DOCK9: variants seen among roughly 807,000 people sequenced by gnomAD.
DOCK9 encodes dedicator of cytokinesis protein 9.
DOCK9 carries 89 observed loss-of-function variants against 263.3 expected under a neutral mutation model. That is an observed-to-expected ratio of 0.34 (90% CI 0.28 to 0.40). The LOEUF is 0.40. Ranked by LOEUF, DOCK9 falls within the 10% of genes least tolerant of loss-of-function variation. The pLI is 1.00. For synonymous variants in DOCK9, 976 were observed against 973.1 expected (o/e 1.00, Z -0.06); for missense variants, 2,140 against 2,603.4 (o/e 0.82, Z 3.87).
chr13:98,961,393 CCT>C lies in DOCK9; in HGVS notation c.127-5844_127-5843del, dbSNP rs547231746. Among the ~76,000 whole-genome samples the C allele has an allele frequency of 1.4e-3, 220 of 152,254 alleles. 3 individuals carry two copies. Among genetic ancestry groups the C allele is most frequent in the Admixed American group, 0.013 (202 of 15,296 alleles). On this transcript the variant is annotated intron_variant, in intron 1 of 52. Transcript: ENST00000682017. ...CCTCCCTCTACAGGGATAATGTGCC[CCT>C]CCCACCTCTACACCTGTCACAGTCC...
At chr13:98,807,127 G>C (rs1188765371) in intron 48 of DOCK9, among the ~76,000 whole-genome samples, 1 of 152,154 alleles carries the variant, frequency 6.6e-6, no homozygotes, top group Non-Finnish European at 1.5e-5. Flanking sequence ...CAAAGGTACA[G>C]GACAAAGGTG....
At chr13:98,810,524 C>T (rs188785244) in intron 45 of DOCK9, among the ~76,000 whole-genome samples, 47 of 152,154 alleles carry the variant, frequency 3.1e-4, no homozygotes, top group Admixed American at 5.9e-4. Flanking sequence ...CAAGCAAAAA[C>T]GAAAAAGGAT....
intron 1 of DOCK9, among the ~76,000 whole-genome samples, chr13:99,068,299 C>G (rs2041514341): frequency 6.6e-6 from 1 of 152,134 alleles, no homozygotes; most frequent in East Asian, 1.9e-4. Context: ...AACCTAATAC[C>G]CTGGCCGGGC....
chr13:99,012,445 A>T (rs11617866), intron 1 of DOCK9, among the ~76,000 whole-genome samples: 33,861 of 152,054 alleles, frequency 0.22, 3,784 homozygotes, highest in Middle Eastern at 0.31. Context: ...GGCTTGGTGC[A>T]CACTGAGTAG....
At chr13:98,903,985 G>A (rs1426618321) in intron 10 of DOCK9, among the ~76,000 whole-genome samples, 1 of 152,100 alleles carries the variant, frequency 6.6e-6, no homozygotes, top group Non-Finnish European at 1.5e-5. Context: ...AGGAAAGGAA[G>A]GTTATCATTT....
At chr13:98,983,627 T>A (rs1877768350) in intron 1 of DOCK9, among the ~76,000 whole-genome samples, 1 of 151,584 alleles carries the variant, frequency 6.6e-6, no homozygotes, top group Non-Finnish European at 1.5e-5. Context: ...ATTATTATTT[T>A]TTTTTTTGAG....
upstream of DOCK9, among the ~76,000 whole-genome samples, chr13:98,982,656 T>C (rs1235010953): frequency 6.6e-6 from 1 of 152,238 alleles, no homozygotes; most frequent in East Asian, 1.9e-4. Flanking sequence ...AGGTTTGTCA[T>C]CTTTGGCCCT....
intron 5 of DOCK9, among the ~76,000 whole-genome samples, chr13:98,922,492 T>G (rs1055540721): frequency 2.6e-5 from 4 of 152,104 alleles, no homozygotes; most frequent in South Asian, 2.1e-4. Context: ...CGAAAAAATG[T>G]TTTCAAATGA....
chr13:98,975,714 T>C lies in DOCK9; in HGVS notation c.126+2070A>G, dbSNP rs189335030. 2.2e-3 allele frequency among the ~76,000 whole-genome samples: 331 copies of C among 152,352 alleles called. 1 individual carries two copies. Among genetic ancestry groups the C allele is most frequent in the African/African-American group, 7.6e-3 (317 of 41,584 alleles). ...ATGTAATATTTTTCCCCAAGGACTG[T>C]TTCTGTACATAACTAAAAACAGCAA... On this transcript the variant is annotated intron_variant, in intron 1 of 52. Transcript: ENST00000682017.
intron 7 of DOCK9, among the ~76,000 whole-genome samples, chr13:98,919,788 C>G (rs1249953632): frequency 6.6e-6 from 1 of 152,236 alleles, no homozygotes; most frequent in Non-Finnish European, 1.5e-5. Context: ...CTAAACAGGT[C>G]TCCAAGTGAG....
chr13:98,801,669 A>T (rs779075313), intron 49 of DOCK9, among the ~76,000 whole-genome samples: 1 of 152,208 alleles, frequency 6.6e-6, no homozygotes, highest in African/African-American at 2.4e-5. Context: ...ACTAATAGGC[A>T]GGTAGATATG....
At position 98,950,167 on chromosome 13, in the gene DOCK9, C is replaced by T. The variant is rs554473795; in HGVS notation, c.243+5268G>A. On this transcript the variant is annotated intron_variant, in intron 2 of 52. Coordinates refer to ENST00000682017, the MANE Select transcript of DOCK9 (RefSeq NM_001366683.2). Reference sequence around the variant, plus strand: ...CACCAGTGAAGTCACACCATTAATTCTTTGGATGCGTAAAACAAAGGCCAA... The same window carrying T: ...CACCAGTGAAGTCACACCATTAATTTTTTGGATGCGTAAAACAAAGGCCAA... The T allele has an allele frequency of 7.4e-4, 562 of 759,074 alleles. 1 individual carries two copies. Among genetic ancestry groups the T allele is most frequent in the Middle Eastern group, 4.6e-3 (17 of 3,692 alleles). 47.0% of individuals were successfully genotyped at this position (759,074 alleles called of 1,614,324 possible).
At chr13:98,912,992 A>G (rs2050300133) in intron 9 of DOCK9, among the ~76,000 whole-genome samples, 2 of 152,224 alleles carry the variant, frequency 1.3e-5, no homozygotes, top group South Asian at 4.1e-4. Flanking sequence ...CAAACACACA[A>G]GCCAAAACTC....
At chr13:99,066,938 T>TA (rs1286712453) in intron 1 of DOCK9, among the ~76,000 whole-genome samples, 2 of 152,206 alleles carry the variant, frequency 1.3e-5, no homozygotes, top group Non-Finnish European at 2.9e-5. Context: ...ATAACAGCCA[T>TA]ATTAAACATC....
intron 2 of DOCK9, among the ~76,000 whole-genome samples, chr13:98,943,750 TA>T (rs572933989): frequency 0.028 from 4,217 of 151,914 alleles, 88 homozygotes; most frequent in Middle Eastern, 0.058. Context: ...GTTTACAATT[TA>T]AAAAAAAATT....
At chr13:98,804,930 T>C in intron 49 of DOCK9, 69 bp downstream of exon 49, 1 of 1,507,250 alleles carries the variant, frequency 6.6e-7, no homozygotes, top group Non-Finnish European at 9.0e-7. Context: ...CTGAAGCTTC[T>C]GAATCCCTCT....
chr13:98,821,365 A>C (rs1267725329), intron 45 of DOCK9, among the ~76,000 whole-genome samples: 2 of 152,238 alleles, frequency 1.3e-5, no homozygotes, highest in Non-Finnish European at 2.9e-5. Flanking sequence ...TGGTCCTTCT[A>C]TGTAATTTCT....
intron 27 of DOCK9, among the ~76,000 whole-genome samples, chr13:98,869,147 GT>G (rs1448497476): frequency 1.3e-5 from 2 of 152,202 alleles, no homozygotes; most frequent in Non-Finnish European, 2.9e-5. Context: ...TGCATGATTA[GT>G]TAAAACTGCT....
At chr13:99,001,739 T>A (rs1422204836) in intron 1 of DOCK9, among the ~76,000 whole-genome samples, 2 of 152,242 alleles carry the variant, frequency 1.3e-5, no homozygotes, top group African/African-American at 4.8e-5. Flanking sequence ...ATATCTGCCA[T>A]GAGGCAGGAG....
Sources: gnomAD v4.1 joint callset for allele counts (sites outside exome capture counted in the v4.1 genomes callset) on GRCh38, gnomAD v4.1.1 for gene constraint, MANE v1.5 for transcripts, NCBI Gene and HGNC (gene_info 2026-07-23, HGNC 2026-07-21) for gene names.